CSNK1G1: variants seen among roughly 807,000 people sequenced by gnomAD.
The protein encoded by CSNK1G1 is casein kinase I isoform gamma-1.
Under a neutral mutation model 59.6 loss-of-function variants are expected in CSNK1G1, and 22 were observed. The observed-to-expected ratio is 0.37, with a 90% CI of 0.26 to 0.53. The LOEUF (loss-of-function observed/expected upper bound fraction) is 0.53, where lower values mean the gene tolerates loss of function less well. Among genes scored for constraint, CSNK1G1 ranks in the 20% least tolerant of loss-of-function variants. The pLI is 0.89. For synonymous variants in CSNK1G1, 179 were observed against 177.1 expected, an observed-to-expected ratio of 1.01 and a Z score of -0.08; for missense variants, 384 against 519.5, an observed-to-expected ratio of 0.74 and a Z score of 2.54.
At chr15:64,352,687 C>G (rs947532621) in intron 1 of CSNK1G1, among the ~76,000 whole-genome samples, 5 of 150,938 alleles carry the variant, frequency 3.3e-5, no homozygotes, top group Admixed American at 6.6e-5. Context: ...TCAGGTGATC[C>G]GCCCACCTCG....
At chr15:64,199,633 T>C (rs1441109710) in intron 10 of CSNK1G1, among the ~76,000 whole-genome samples, 3 of 152,166 alleles carry the variant, frequency 2.0e-5, no homozygotes, top group Non-Finnish European at 4.4e-5. Context: ...GGCGGGCGGA[T>C]TGCCTGAGCT....
At chr15:64,191,233 T>A (rs1204596479) in intron 10 of CSNK1G1, among the ~76,000 whole-genome samples, 1 of 152,160 alleles carries the variant, frequency 6.6e-6, no homozygotes, top group Non-Finnish European at 1.5e-5. Context: ...CTAATTTTTT[T>A]ATATTTTTAG....
intron 4 of CSNK1G1, among the ~76,000 whole-genome samples, chr15:64,233,445 G>C (rs2082574736): frequency 6.6e-6 from 1 of 151,942 alleles, no homozygotes; most frequent in Non-Finnish European, 1.5e-5. Context: ...TACTCTATGT[G>C]GCTCAGGTGA....
At chr15:64,286,898 C>A (rs944182377) in intron 2 of CSNK1G1, among the ~76,000 whole-genome samples, 2 of 152,144 alleles carry the variant, frequency 1.3e-5, no homozygotes, top group Non-Finnish European at 2.9e-5. Flanking sequence ...TGGGGATGAT[C>A]CACCATAAAA....
At chr15:64,212,781 A>G (rs2082264553) in intron 6 of CSNK1G1, among the ~76,000 whole-genome samples, 1 of 152,080 alleles carries the variant, frequency 6.6e-6, no homozygotes, top group South Asian at 2.1e-4. Flanking sequence ...CGAGGCAGGC[A>G]GATCACTTAA....
At chr15:64,219,750 CTTCTTTTT>C (rs2082360814) in intron 4 of CSNK1G1, among the ~76,000 whole-genome samples, 1 of 151,434 alleles carries the variant, frequency 6.6e-6, no homozygotes, top group African/African-American at 2.4e-5. Flanking sequence ...TGCCTCTCCC[CTTCTTTTT>C]TTCTTTTTCT....
In CSNK1G1 at chr15:64,222,436, CCA is replaced by C. The variant is rs1567381573; in HGVS notation, c.293-5725_293-5724del. Among the ~76,000 whole-genome samples the C allele has an allele frequency of 1.5e-3, 173 of 114,658 alleles. 3 individuals carry two copies. Among genetic ancestry groups the C allele is most frequent in the African/African-American group, 5.8e-3 (161 of 27,960 alleles). The allele number at this position is 114,658 out of a possible 152,430, so 75.2% of individuals were successfully genotyped here. ...TAAAGAAATAACAACAACAACACCA[CCA>C]AAAAAAAAAAAAAAAAAAAAAGAGG... On this transcript the variant is annotated intron_variant, in intron 4 of 11. Coordinates refer to ENST00000303052, the MANE Select transcript of CSNK1G1 (RefSeq NM_022048.5).
chr15:64,342,498 T>C (rs993602292), intron 1 of CSNK1G1: 1 of 152,236 alleles, frequency 6.6e-6, no homozygotes, highest in Non-Finnish European at 1.5e-5. Context: ...TTCATTCATA[T>C]CTTTTAGTAA....
intron 2 of CSNK1G1, among the ~76,000 whole-genome samples, chr15:64,282,892 T>C (rs1212346252): frequency 1.3e-5 from 2 of 152,230 alleles, no homozygotes; most frequent in Non-Finnish European, 2.9e-5. Flanking sequence ...ATTTCCCCAA[T>C]GGCTAACAAT....
At position 64,282,329 on chromosome 15, in the gene CSNK1G1, C is replaced by T. The variant is rs181630702; in HGVS notation, c.181+17990G>A. Among the ~76,000 whole-genome samples the T allele has an allele frequency of 3.9e-4, 60 of 152,118 alleles. No homozygotes were observed. In the East Asian group the frequency reaches 7.7e-3, roughly 20 times the overall value. On this transcript the variant is annotated intron_variant, in intron 2 of 11. Transcript: ENST00000303052. ...TTGCCCAGGCTGGAGTACAGTGGTACGATCTCAGCTCACTGCAACCTCAGC... is the reference window on the plus strand; with the variant it reads ...TTGCCCAGGCTGGAGTACAGTGGTATGATCTCAGCTCACTGCAACCTCAGC...
intron 1 of CSNK1G1, among the ~76,000 whole-genome samples, chr15:64,326,362 G>A (rs1596280660): frequency 6.6e-6 from 1 of 152,104 alleles, no homozygotes; most frequent in Non-Finnish European, 1.5e-5. Context: ...AAGTAGTTTA[G>A]GCCAGGCATG....
intron 2 of CSNK1G1, among the ~76,000 whole-genome samples, chr15:64,283,479 A>G (rs924145193): frequency 6.6e-6 from 1 of 152,054 alleles, no homozygotes; most frequent in Non-Finnish European, 1.5e-5. Context: ...AGTAACTGGG[A>G]TTACAGAAGC....
intron 4 of CSNK1G1, among the ~76,000 whole-genome samples, chr15:64,248,010 A>T (rs1891845946): frequency 6.6e-6 from 1 of 152,258 alleles, no homozygotes; most frequent in Non-Finnish European, 1.5e-5. Flanking sequence ...CTGGACAGTA[A>T]TGAACAATGA....
At chr15:64,281,438 T>C (rs1894127475) in intron 2 of CSNK1G1, among the ~76,000 whole-genome samples, 1 of 152,010 alleles carries the variant, frequency 6.6e-6, no homozygotes, top group African/African-American at 2.4e-5. Context: ...AGACTCCATC[T>C]CTATAAAAAT....
At chr15:64,314,565 TAA>T (rs34630204) in intron 1 of CSNK1G1, among the ~76,000 whole-genome samples, 2 of 130,620 alleles carry the variant, frequency 1.5e-5, no homozygotes, top group Admixed American at 7.8e-5. Flanking sequence ...ACCACAGAAT[TAA>T]AAAAAAAAAA....
chr15:64,202,891 C>G (rs1355030049), intron 10 of CSNK1G1, among the ~76,000 whole-genome samples, 191 bp downstream of exon 10: 1 of 152,150 alleles, frequency 6.6e-6, no homozygotes. Flanking sequence ...TATAGGGCAC[C>G]TGGCCACATC....
At chr15:64,329,323 T>C (rs1596284802) in intron 1 of CSNK1G1, among the ~76,000 whole-genome samples, 1 of 151,048 alleles carries the variant, frequency 6.6e-6, no homozygotes, top group African/African-American at 2.4e-5. Context: ...CAACAAACTA[T>C]CTCTCAGACC....
intron 4 of CSNK1G1, among the ~76,000 whole-genome samples, chr15:64,236,581 C>T (rs1050951114): frequency 3.3e-5 from 5 of 152,092 alleles, no homozygotes; most frequent in South Asian, 2.1e-4. Flanking sequence ...CAAATCAAAA[C>T]CACAATGGCA....
chr15:64,346,642 G>C (rs946002424), intron 1 of CSNK1G1, among the ~76,000 whole-genome samples: 2 of 151,840 alleles, frequency 1.3e-5, no homozygotes, highest in Non-Finnish European at 2.9e-5. Flanking sequence ...ATTTTTAGTA[G>C]AAATGAGGTT....
Sources: allele counts gnomAD v4.1 joint callset (sites outside exome capture counted in the v4.1 genomes callset), GRCh38; gene constraint gnomAD v4.1.1; transcripts MANE v1.5; gene names NCBI Gene and HGNC (gene_info 2026-07-23, HGNC 2026-07-21).